Variants in EXD3 observed in about 807,000 individuals in gnomAD.
EXD3 encodes exonuclease 3'-5' domain containing 3.
EXD3 carries 92 observed loss-of-function variants against 98.0 expected under a neutral mutation model. The ratio of observed to expected loss-of-function variants is 0.94; its 90% CI spans 0.79 to 1.12. The LOEUF is 1.12. EXD3 is among the 50% of genes most tolerant of loss of function. EXD3 has a pLI of 0.00. For synonymous variants in EXD3, 569 were observed against 526.0 expected, an observed-to-expected ratio of 1.08 and a Z score of -1.12; for missense variants, 1,222 against 1,191.6, an observed-to-expected ratio of 1.03 and a Z score of -0.38.
At position 137,307,655 on chromosome 9, in the gene EXD3, C is replaced by G. The variant is rs770001189; in HGVS notation, c.2279-9G>C. On this transcript the variant is annotated splice_polypyrimidine_tract_variant and intron_variant, in intron 20 of 21. Transcript: ENST00000340951. ...CTGGGTGGCCTCGTCACCTGTCAGT[C>G]AAGGAAGAGAGCTGGTCCGGGACTG... 6.2e-7 allele frequency: 1 copy of G among 1,609,140 alleles called. No homozygotes were observed. The highest frequency in any genetic ancestry group is 1.1e-5 in the South Asian group (1 of 91,002).
intron 2 of EXD3, among the ~76,000 whole-genome samples, chr9:137,390,857 G>C (rs547402291): frequency 1.6e-4 from 24 of 152,340 alleles, no homozygotes; most frequent in East Asian, 7.7e-4. Context: ...AGAAAGGCCC[G>C]GGAGCCTCCT....
intron 19 of EXD3, among the ~76,000 whole-genome samples, chr9:137,320,425 C>T (rs971354387): frequency 6.6e-6 from 1 of 152,222 alleles, no homozygotes; most frequent in Non-Finnish European, 1.5e-5. Context: ...TGGCCCCCCA[C>T]GGGGGTGCAG....
Position 137,357,825 on chromosome 9 carries a change from G to A in EXD3, c.657-1457C>T, listed in dbSNP as rs1218344525. Among the ~76,000 whole-genome samples, 4 of 151,844 alleles carry A rather than the reference G, an allele frequency of 2.6e-5. No individual in the cohort carries two copies. In the South Asian group the frequency reaches 8.4e-4, roughly 32 times the overall value. Reference sequence around the variant, plus strand: ...CACAATAGGCCATGTGCAAGCTGAGGAGCACAGAGAGCCAGCCCGAGTCTC... The same window carrying A: ...CACAATAGGCCATGTGCAAGCTGAGAAGCACAGAGAGCCAGCCCGAGTCTC... On this transcript the variant is annotated intron_variant, in intron 7 of 21. Coordinates refer to ENST00000340951, the MANE Select transcript of EXD3 (RefSeq NM_017820.5).
chr9:137,370,700 G>A (rs964566064), intron 5 of EXD3, among the ~76,000 whole-genome samples: 2 of 151,762 alleles, frequency 1.3e-5, no homozygotes, highest in African/African-American at 4.8e-5. Context: ...CTAAGGGGCA[G>A]GAAGGCTGGG....
At chr9:137,411,794 C>A (rs1333020871) in intron 1 of EXD3, among the ~76,000 whole-genome samples, 2 of 151,758 alleles carry the variant, frequency 1.3e-5, no homozygotes, top group Non-Finnish European at 2.9e-5. Flanking sequence ...GGCCGCGGTG[C>A]ACAATGGTGT....
chr9:137,410,124 C>T (rs777847012), intron 1 of EXD3, among the ~76,000 whole-genome samples: 1 of 151,334 alleles, frequency 6.6e-6, no homozygotes, highest in Admixed American at 6.6e-5. Context: ...TGCAGTGAGC[C>T]GAGACCGTGC....
At position 137,349,230 on chromosome 9, in the gene EXD3, G is replaced by A. The variant is rs778439386; in HGVS notation, c.1710C>T (p.Pro570=). 1.7e-5 allele frequency: 27 copies of A among 1,576,078 alleles called. No homozygotes were observed. The highest frequency in any genetic ancestry group is 1.1e-4 in the African/African-American group (8 of 74,334). The change falls in exon 16 of 22, where the codon CCC becomes CCT. Residue 570 remains proline (P), a synonymous_variant. Coordinates refer to ENST00000340951, the MANE Select transcript of EXD3 (RefSeq NM_017820.5). The surrounding 1 kb of genome is among the most constrained non-coding windows in gnomAD (Gnocchi z 7.4). ...GGTCCTCCGACAGGTGGAAGCGGGCGGGCTCTCTGCACAGGGCTTGGTGCA... is the reference window on the plus strand; with the variant it reads ...GGTCCTCCGACAGGTGGAAGCGGGCAGGCTCTCTGCACAGGGCTTGGTGCA... ...LEVHQALCRE[P]ARFHLSEDLA...
chr9:137,370,615 A>AG (rs1835539833), intron 5 of EXD3, among the ~76,000 whole-genome samples: 1 of 150,862 alleles, frequency 6.6e-6, no homozygotes, highest in Admixed American at 6.6e-5. Flanking sequence ...AAAAAAAAAA[A>AG]AAAAAGAAAA....
chr9:137,368,920 G>T (rs557771325), intron 5 of EXD3, among the ~76,000 whole-genome samples: 2 of 144,180 alleles, frequency 1.4e-5, no homozygotes, highest in Admixed American at 6.9e-5. Context: ...GGGCAGGGGC[G>T]CCTGGCCCGG....
intron 17 of EXD3, among the ~76,000 whole-genome samples, chr9:137,340,248 C>T (rs149328068): frequency 2.6e-4 from 40 of 152,220 alleles, no homozygotes; most frequent in Non-Finnish European, 3.4e-4. Context: ...GAGGCTGAGG[C>T]GGGCGGATCA....
intron 1 of EXD3, among the ~76,000 whole-genome samples, chr9:137,401,715 G>T (rs1476264735): frequency 6.6e-6 from 1 of 152,182 alleles, no homozygotes; most frequent in Non-Finnish European, 1.5e-5. Context: ...GGAGTGTCTG[G>T]GACATGGGGC....
Position 137,405,877 on chromosome 9 carries a change from C to A in EXD3, c.-47-10473G>T, listed in dbSNP as rs1837689493. 6.6e-6 allele frequency among the ~76,000 whole-genome samples: 1 copy of A among 152,226 alleles called. No individual in the cohort carries two copies. Among genetic ancestry groups the A allele is most frequent in the Admixed American group, 6.5e-5 (1 of 15,278 alleles). On this transcript the variant is annotated intron_variant, in intron 1 of 21. Coordinates refer to ENST00000340951, the MANE Select transcript of EXD3 (RefSeq NM_017820.5). The surrounding 1 kb of genome is among the most constrained non-coding windows in gnomAD (Gnocchi z 4.1). ...GGACCCGCTGCCCACAGACACCTTG[C>A]CCGTGCCCCAATGCCAGGCAGAGGC...
At position 137,367,820 on chromosome 9, in the gene EXD3, C is replaced by T. The variant is rs534965817; in HGVS notation, c.516+116G>A. On this transcript the variant is annotated intron_variant, in intron 6 of 21. Coordinates refer to ENST00000340951, the MANE Select transcript of EXD3 (RefSeq NM_017820.5). ...GAGGCCCTCGCCGGCCCCCGATGGC[C>T]CTGCTGTCCCCCACTGTGGCTTGGT... 1.0e-4 allele frequency: 105 copies of T among 1,018,922 alleles called. No individual in the cohort carries two copies. In the African/African-American group the frequency reaches 1.5e-3, roughly 15 times the overall value. 63.1% of individuals were successfully genotyped at this position (1,018,922 alleles called of 1,614,324 possible). A position where few individuals can be genotyped will look rare whatever the true frequency, so the allele number is the denominator to read the frequency against.
chr9:137,400,447 A>G (rs1417126324), intron 1 of EXD3, among the ~76,000 whole-genome samples: 1 of 152,158 alleles, frequency 6.6e-6, no homozygotes, highest in Non-Finnish European at 1.5e-5. Flanking sequence ...CCTAGATACA[A>G]TGGGGGTACA....
chr9:137,388,460 G>A (rs923321861), intron 2 of EXD3, among the ~76,000 whole-genome samples: 2 of 152,298 alleles, frequency 1.3e-5, no homozygotes, highest in East Asian at 1.9e-4. Context: ...AGACACAGAC[G>A]CACGCGGGAA....
chr9:137,422,821 G>A (rs921369467), intron 1 of EXD3, among the ~76,000 whole-genome samples: 8 of 152,178 alleles, frequency 5.3e-5, no homozygotes, highest in Non-Finnish European at 7.4e-5. Flanking sequence ...GTCCGTGCTC[G>A]GAAGGCGCGG....
At chr9:137,316,024 C>T (rs1470019565) in intron 19 of EXD3, among the ~76,000 whole-genome samples, 1 of 151,460 alleles carries the variant, frequency 6.6e-6, no homozygotes, top group Non-Finnish European at 1.5e-5. Context: ...CCCCTTCTCC[C>T]CCTCCCCGGG....
Position 137,407,274 on chromosome 9 carries a change from C to A in EXD3, c.-47-11870G>T, listed in dbSNP as rs2131812776. Among the ~76,000 whole-genome samples, 1 of 152,368 alleles carries A rather than the reference C, an allele frequency of 6.6e-6. No individual in the cohort carries two copies. The highest frequency in any genetic ancestry group is 1.9e-4 in the East Asian group (1 of 5,182). ...GTCTCCGTTTCCCACCAGGCCAGCG[C>A]TGCAGGCAGAGCCCAGCCCGGCGGC... is the stretch of plus-strand genomic sequence containing the variant. On this transcript the variant is annotated intron_variant, in intron 1 of 21. Coordinates refer to ENST00000340951, the MANE Select transcript of EXD3 (RefSeq NM_017820.5). This position sits in a 1 kb window ranked among gnomAD's most constrained non-coding sequence, Gnocchi z 4.4.
Position 137,337,126 on chromosome 9 carries a change from T to C in EXD3, c.1998+10945A>G, listed in dbSNP as rs112453708. Among the ~76,000 whole-genome samples the C allele has an allele frequency of 3.0e-3, 461 of 152,322 alleles. 2 individuals carry two copies. The highest frequency in any genetic ancestry group is 0.01 in the African/African-American group (431 of 41,574). ...TTAATGTTAGTTAAAATATATTTTA[T>C]AGCAAAGAGCATTACTGGAGTCAAA... On this transcript the variant is annotated intron_variant, in intron 17 of 21. Transcript: ENST00000340951.
Sources: gnomAD v4.1 joint callset for allele counts (sites outside exome capture counted in the v4.1 genomes callset) on GRCh38, gnomAD v4.1.1 for gene constraint, Gnocchi (gnomAD v3.1) non-coding constraint, MANE v1.5 for transcripts, NCBI Gene and HGNC (gene_info 2026-07-23, HGNC 2026-07-21) for gene names.